Variants in ARHGAP39 observed in about 807,000 individuals in gnomAD.
ARHGAP39 encodes Rho GTPase activating protein 39, also known as rho GTPase-activating protein 39.
ARHGAP39 carries 44 observed loss-of-function variants against 106.9 expected under a neutral mutation model. The observed-to-expected ratio is 0.41, with a 90% CI of 0.32 to 0.53. ARHGAP39 has a LOEUF of 0.53. ARHGAP39 is among the 20% of genes least tolerant of loss of function. The pLI is 0.21. For synonymous variants in ARHGAP39, 768 were observed against 693.2 expected (o/e 1.11, Z -1.69); for missense variants, 1,496 against 1,577.3 (o/e 0.95, Z 0.87).
At chr8:144,558,749 C>T (rs1156565499) in intron 3 of ARHGAP39, among the ~76,000 whole-genome samples, 1 of 152,124 alleles carries the variant, frequency 6.6e-6, no homozygotes, top group African/African-American at 2.4e-5. Flanking sequence ...AGAAGTAATA[C>T]AGAAAGGATG....
chr8:144,600,153 G>C (rs773058457), intron 2 of ARHGAP39, among the ~76,000 whole-genome samples: 12 of 151,784 alleles, frequency 7.9e-5, no homozygotes, highest in Non-Finnish European at 1.0e-4. Context: ...GTACCTACCT[G>C]TGTGTGTGCG....
At chr8:144,674,972 G>C (rs1047713649) in intron 1 of ARHGAP39, among the ~76,000 whole-genome samples, 3 of 152,136 alleles carry the variant, frequency 2.0e-5, no homozygotes, top group African/African-American at 7.2e-5. Context: ...GCAGGGGAAG[G>C]GGGGCTTCCT....
chr8:144,689,829 T>A (rs1169798942), upstream of ARHGAP39, among the ~76,000 whole-genome samples: 3 of 150,510 alleles, frequency 2.0e-5, no homozygotes, highest in Non-Finnish European at 4.4e-5. Flanking sequence ...CACCGCAACT[T>A]CCGCCTCCTG....
intron 3 of ARHGAP39, among the ~76,000 whole-genome samples, chr8:144,570,378 A>G (rs1818544924): frequency 1.3e-5 from 2 of 152,248 alleles, no homozygotes; most frequent in Admixed American, 6.5e-5. Context: ...ATTTAAAAAT[A>G]AACCAAACAG....
intron 3 of ARHGAP39, among the ~76,000 whole-genome samples, chr8:144,570,372 A>T (rs886872428): frequency 2.0e-5 from 3 of 152,244 alleles, no homozygotes; most frequent in South Asian, 4.1e-4. Context: ...GACTAGATTT[A>T]AAAATAAACC....
Position 144,633,217 on chromosome 8 carries a change from G to A in ARHGAP39, c.-81-27522C>T, listed in dbSNP as rs542951108. Among the ~76,000 whole-genome samples the A allele has an allele frequency of 5.9e-5, 9 of 152,094 alleles. No homozygotes were observed. The East Asian group carries it at 7.8e-4, about 13-fold the overall frequency. On this transcript the variant is annotated intron_variant, in intron 1 of 11. Coordinates refer to ENST00000377307, the MANE Select transcript of ARHGAP39 (RefSeq NM_025251.3). ...CTCACGCCTATAATCCCAGCACTTC[G>A]GGAAGCCGAGGCAGGTGGATCATGA... is the stretch of plus-strand genomic sequence containing the variant.
chr8:144,542,513 G>A (rs1167798232), intron 6 of ARHGAP39, among the ~76,000 whole-genome samples: 1 of 152,220 alleles, frequency 6.6e-6, no homozygotes, highest in Non-Finnish European at 1.5e-5. Flanking sequence ...CTGCAGCCTA[G>A]CTGGCCCTCC....
At chr8:144,542,614 C>T (rs1817240130) in intron 6 of ARHGAP39, among the ~76,000 whole-genome samples, 1 of 151,576 alleles carries the variant, frequency 6.6e-6, no homozygotes, top group East Asian at 2.0e-4. Context: ...TTCTTTCTTT[C>T]TTTTTCCTAC....
chr8:144,656,280 C>T lies in ARHGAP39; in HGVS notation c.-82+29406G>A, dbSNP rs115358952. Among the ~76,000 whole-genome samples the T allele has an allele frequency of 6.6e-3, 998 of 151,284 alleles. 15 individuals carry two copies. The highest frequency in any genetic ancestry group is 0.022 in the African/African-American group (921 of 41,236). The stretch of plus-strand genomic sequence containing the variant: ...GACTGAGGTAGGAGAATCGCTTGAG[C>T]CCAGGAGTTCAAAACCACCCTGCTC... On this transcript the variant is annotated intron_variant, in intron 1 of 11. Coordinates refer to ENST00000377307, the MANE Select transcript of ARHGAP39 (RefSeq NM_025251.3).
At chr8:144,620,188 C>T (rs1365186292) in intron 1 of ARHGAP39, among the ~76,000 whole-genome samples, 18 of 125,446 alleles carry the variant, frequency 1.4e-4, no homozygotes, top group South Asian at 3.0e-4. Flanking sequence ...CCTGAGAGAG[C>T]GTGTGTGCCC....
At chr8:144,616,699 G>A (rs954756960) in intron 1 of ARHGAP39, among the ~76,000 whole-genome samples, 4 of 152,238 alleles carry the variant, frequency 2.6e-5, no homozygotes, top group Non-Finnish European at 4.4e-5. Context: ...GCGGCACAGT[G>A]GCCTCAGGCA....
intron 2 of ARHGAP39, among the ~76,000 whole-genome samples, chr8:144,602,463 CTGTGCA>C (rs1820050621): frequency 8.2e-6 from 1 of 122,680 alleles, no homozygotes; most frequent in Admixed American, 9.2e-5. Context: ...GCTCGTGTAC[CTGTGCA>C]TGTGCGTGGT....
At position 144,647,442 on chromosome 8, in the gene ARHGAP39, G is replaced by A. The variant is rs1026678062; in HGVS notation, c.-82+38244C>T. ...CACAGGCACCATGGGCTTGAGTCCT[G>A]TGCTCACAATGTCCATGGCCCCAGA... On this transcript the variant is annotated intron_variant, in intron 1 of 11. Coordinates refer to ENST00000377307, the MANE Select transcript of ARHGAP39 (RefSeq NM_025251.3). This position sits in a 1 kb window ranked among gnomAD's most constrained non-coding sequence, Gnocchi z 4.8. Among the ~76,000 whole-genome samples the A allele has an allele frequency of 6.6e-6, 1 of 152,188 alleles. No individual in the cohort carries two copies. The highest frequency in any genetic ancestry group is 2.4e-5 in the African/African-American group (1 of 41,442).
chr8:144,571,035 C>G (rs1818568843), intron 3 of ARHGAP39, among the ~76,000 whole-genome samples: 1 of 152,184 alleles, frequency 6.6e-6, no homozygotes, highest in African/African-American at 2.4e-5. Context: ...GGATTCACAG[C>G]CGAATTCTAC....
At chr8:144,691,261 C>T in the ARHGAP39 span, among the ~76,000 whole-genome samples, 3 of 152,144 alleles carry the variant, frequency 2.0e-5, no homozygotes, top group Admixed American at 6.5e-5. Flanking sequence ...TCAAGTGGAT[C>T]CAGGAGAGAG....
rs139821810 is a variant in ARHGAP39 at position 144,633,152 on chromosome 8, T to TG, written c.-81-27458_-81-27457insC. Among the ~76,000 whole-genome samples the TG allele has an allele frequency of 4.3e-3, 643 of 149,748 alleles. 5 individuals carry two copies. Among genetic ancestry groups the TG allele is most frequent in the African/African-American group, 0.015 (618 of 40,400 alleles). ...GCAAGACCCTGTTTTTTTTTGTTTG[T>TG]TTGTTTGTTTGTTTTTAAAAGAAAG... is the stretch of plus-strand genomic sequence containing the variant. On this transcript the variant is annotated intron_variant, in intron 1 of 11. Coordinates refer to ENST00000377307, the MANE Select transcript of ARHGAP39 (RefSeq NM_025251.3).
At chr8:144,699,514 G>A in the ARHGAP39 span, among the ~76,000 whole-genome samples, 1 of 146,728 alleles carries the variant, frequency 6.8e-6, no homozygotes. Context: ...TGGGGCTGAG[G>A]GACCCGAGGT....
intron 1 of ARHGAP39, among the ~76,000 whole-genome samples, chr8:144,673,789 C>T (rs956248751): frequency 2.2e-4 from 33 of 152,404 alleles, no homozygotes; most frequent in Admixed American, 6.5e-4. Context: ...CTGCCAAGTG[C>T]AAGCCAGGTG....
chr8:144,615,756 C>G (rs1354929203), intron 1 of ARHGAP39, among the ~76,000 whole-genome samples: 1 of 152,264 alleles, frequency 6.6e-6, no homozygotes, highest in Non-Finnish European at 1.5e-5. Flanking sequence ...GTCTCATGCT[C>G]TGAAAGCTCG....
Sources: allele counts gnomAD v4.1 joint callset (sites outside exome capture counted in the v4.1 genomes callset), GRCh38; gene constraint gnomAD v4.1.1; non-coding constraint Gnocchi (gnomAD v3.1); transcripts MANE v1.5; gene names NCBI Gene and HGNC (gene_info 2026-07-23, HGNC 2026-07-21).